AKT3: variants seen among roughly 807,000 people sequenced by gnomAD.
AKT3 encodes the protein AKT serine/threonine kinase 3.
In AKT3, 15 loss-of-function variants were observed where a neutral mutation model predicts 65.3. The observed-to-expected ratio is 0.23, with a 90% CI of 0.15 to 0.35. The LOEUF (loss-of-function observed/expected upper bound fraction) is 0.35. Among genes scored for constraint, AKT3 ranks in the 10% least tolerant of loss-of-function variants. The probability of loss-of-function intolerance (pLI) is 1.00; values close to 1 mark genes in which losing one functional copy is unlikely to be tolerated. For synonymous variants in AKT3, 206 were observed against 183.8 expected (o/e 1.12, Z -0.98); for missense variants, 243 against 576.5 (o/e 0.42, Z 5.92).
chr1:243,777,602 G>C (rs1344508037), intron 2 of AKT3, among the ~76,000 whole-genome samples: 1 of 152,160 alleles, frequency 6.6e-6, no homozygotes, highest in Non-Finnish European at 1.5e-5. Context: ...CACACTGCTT[G>C]AATGAGACAT....
At chr1:243,781,403 C>T (rs1277830201) in intron 2 of AKT3, among the ~76,000 whole-genome samples, 3 of 152,122 alleles carry the variant, frequency 2.0e-5, no homozygotes, top group East Asian at 3.8e-4. Flanking sequence ...TTTTCCTCCT[C>T]TTTTTATTTG....
intron 6 of AKT3, among the ~76,000 whole-genome samples, chr1:243,634,088 A>C (rs1379867468): frequency 6.6e-6 from 1 of 152,094 alleles, no homozygotes; most frequent in Non-Finnish European, 1.5e-5. Flanking sequence ...CAAAATCCAC[A>C]AATGCTCACT....
intron 4 of AKT3, among the ~76,000 whole-genome samples, chr1:243,654,949 T>C (rs868774313): frequency 3.3e-5 from 5 of 152,254 alleles, no homozygotes; most frequent in Middle Eastern, 3.4e-3. Flanking sequence ...TATAGGACTT[T>C]TGAAACTATG....
intron 2 of AKT3, among the ~76,000 whole-genome samples, chr1:243,821,752 C>G (rs1693866409): frequency 6.6e-6 from 1 of 152,132 alleles, no homozygotes; most frequent in East Asian, 1.9e-4. Context: ...ATATATGCAT[C>G]CAATATAGGA....
At position 243,740,107 on chromosome 1, in the gene AKT3, T is replaced by G. The variant is rs79016075; in HGVS notation, c.47-44391A>C. On this transcript the variant is annotated intron_variant, in intron 2 of 13. Coordinates refer to ENST00000673466, the MANE Select transcript of AKT3 (RefSeq NM_005465.7). ...ACATGTGGCCGGAAGAGAAGGGTCT[T>G]CCTGGGAGCTCATTACATGGTTTTA... 3.9e-3 allele frequency among the ~76,000 whole-genome samples: 590 copies of G among 152,306 alleles called. 17 individuals carry two copies. Among genetic ancestry groups the G allele is most frequent in the Admixed American group, 0.036 (552 of 15,286 alleles).
intron 2 of AKT3, among the ~76,000 whole-genome samples, chr1:243,815,595 C>T (rs1693460802): frequency 6.6e-6 from 1 of 151,344 alleles, no homozygotes; most frequent in Non-Finnish European, 1.5e-5. Flanking sequence ...CAAAACCACT[C>T]TGATACCAAA....
intron 12 of AKT3, among the ~76,000 whole-genome samples, chr1:243,520,357 C>G (rs1038578968): frequency 3.9e-5 from 6 of 152,174 alleles, no homozygotes; most frequent in Non-Finnish European, 7.3e-5. Context: ...CTTGGACTTT[C>G]GCCAGAAATA....
chr1:243,703,164 A>G (rs750598410), intron 2 of AKT3: 1 of 152,218 alleles, frequency 6.6e-6, no homozygotes, highest in Non-Finnish European at 1.5e-5. Context: ...CATATGAACT[A>G]CCTAAAAGAA....
rs1173828067 is a variant in AKT3 at position 243,503,325 on chromosome 1, A to G, written c.*1924T>C. 4.3e-6 allele frequency: 1 copy of G among 233,602 alleles called. No individual in the cohort carries two copies. Among genetic ancestry groups the G allele is most frequent in the African/African-American group, 2.2e-5 (1 of 45,356 alleles). 14.5% of individuals were successfully genotyped at this position (233,602 alleles called of 1,614,324 possible). A position where few individuals can be genotyped will look rare whatever the true frequency, so the allele number is the denominator to read the frequency against. ...AGTGGTTTCATAGCTATAAATCCAC[A>G]CTTCCAGCGTCAAGAGGCTAAGACA... On this transcript the variant is annotated 3_prime_UTR_variant, in exon 14 of 14. Coordinates refer to ENST00000673466, the MANE Select transcript of AKT3 (RefSeq NM_005465.7).
chr1:243,558,967 C>T (rs12143526), intron 10 of AKT3, among the ~76,000 whole-genome samples: 7 of 152,092 alleles, frequency 4.6e-5, no homozygotes, highest in Non-Finnish European at 1.0e-4. Flanking sequence ...GGATCAGGTA[C>T]TGCTAACTCA....
chr1:243,523,260 AACACACACACACACACACACACACAC>A (rs547403507), intron 12 of AKT3, among the ~76,000 whole-genome samples: 2 of 126,400 alleles, frequency 1.6e-5, no homozygotes, highest in Admixed American at 7.9e-5. Context: ...AAAAAGGACG[AACACACACACACACACACACACACAC>A]ACACACACAC....
chr1:243,752,070 A>G (rs1688840594), intron 2 of AKT3, among the ~76,000 whole-genome samples: 1 of 152,188 alleles, frequency 6.6e-6, no homozygotes, highest in Non-Finnish European at 1.5e-5. Flanking sequence ...GGTCCAAAAC[A>G]GTGCAGGTTG....
intron 4 of AKT3, 56 bp from the exon 5 acceptor site, chr1:243,646,093 T>C (rs1680787179): frequency 6.9e-6 from 10 of 1,444,412 alleles, no homozygotes; most frequent in Non-Finnish European, 9.4e-6. Context: ...ATTTAAATAT[T>C]TTCCTTTTAT....
chr1:243,776,691 C>T (rs1184636638), intron 2 of AKT3, among the ~76,000 whole-genome samples: 2 of 152,174 alleles, frequency 1.3e-5, no homozygotes, highest in African/African-American at 4.8e-5. Flanking sequence ...ATAGCTTACA[C>T]AGACTAAATA....
intron 8 of AKT3, among the ~76,000 whole-genome samples, chr1:243,582,378 G>A (rs1221049105): frequency 6.8e-6 from 1 of 147,520 alleles, no homozygotes; most frequent in Non-Finnish European, 1.5e-5. Flanking sequence ...ATGTCATCAG[G>A]CCAACCGTCA....
At chr1:243,707,384 G>A (rs1015589981) in intron 2 of AKT3, among the ~76,000 whole-genome samples, 2 of 151,990 alleles carry the variant, frequency 1.3e-5, no homozygotes, top group Non-Finnish European at 2.9e-5. Flanking sequence ...TAAGAATAAT[G>A]AACTGAGTGT....
chr1:243,759,247 C>G (rs2148237703), intron 2 of AKT3, among the ~76,000 whole-genome samples: 1 of 152,002 alleles, frequency 6.6e-6, no homozygotes, highest in African/African-American at 2.4e-5. Flanking sequence ...CCCAGGAGGT[C>G]GAGGCTGCAG....
chr1:243,709,282 C>A (rs1572207852), intron 2 of AKT3, among the ~76,000 whole-genome samples: 2 of 144,402 alleles, frequency 1.4e-5, no homozygotes. Context: ...CAAAACCTAG[C>A]ATTAAAAGAA....
intron 1 of AKT3, among the ~76,000 whole-genome samples, chr1:243,846,088 A>G (rs1409683723): frequency 6.6e-6 from 1 of 152,226 alleles, no homozygotes; most frequent in African/African-American, 2.4e-5. Context: ...AGTGAAAGAC[A>G]TGATTATACA....
Sources: allele counts gnomAD v4.1 joint callset (sites outside exome capture counted in the v4.1 genomes callset), GRCh38; gene constraint gnomAD v4.1.1; transcripts MANE v1.5; gene names NCBI Gene and HGNC (gene_info 2026-07-23, HGNC 2026-07-21).